EFHB: variants seen among roughly 807,000 people sequenced by gnomAD.
The protein encoded by EFHB is EF-hand domain family member B.
A neutral mutation model predicts 87.2 loss-of-function variants in EFHB; 91 were observed. That is an observed-to-expected ratio of 1.04 (90% CI 0.88 to 1.24). The LOEUF is 1.24. Among genes scored for constraint, EFHB ranks in the 50% most tolerant of loss-of-function variants. The pLI is 0.00. For synonymous variants in EFHB, 325 were observed against 333.6 expected, an observed-to-expected ratio of 0.97 and a Z score of 0.28; for missense variants, 1,084 against 998.8, an observed-to-expected ratio of 1.09 and a Z score of -1.15.
At position 19,893,609 on chromosome 3, in the gene EFHB, C is replaced by T. The variant is rs376840528; in HGVS notation, c.1725+3078G>A. On this transcript the variant is annotated intron_variant, in intron 9 of 12. Transcript: ENST00000295824. ...CAGTTCTCTCAAACTGTTGGTGACA[C>T]CTTAGTTTTAACTGACTGCCAGGCA... Among the ~76,000 whole-genome samples the T allele has an allele frequency of 1.2e-3, 185 of 152,292 alleles. 7 individuals carry two copies. The South Asian group carries it at 0.038, about 31-fold the overall frequency.
chr3:19,932,337 T>A (rs1214322740), intron 1 of EFHB, among the ~76,000 whole-genome samples: 1 of 152,228 alleles, frequency 6.6e-6, no homozygotes, highest in Non-Finnish European at 1.5e-5. Flanking sequence ...ATTTTTACCC[T>A]TATTAAGATC....
Position 19,934,045 on chromosome 3 carries a change from T to C in EFHB, c.-27A>G. ...GACGATTTCTCCCCATTCTCATTTC[T>C]CCAAGAGCGCTCATCTCTAAGGGGA... On this transcript the variant is annotated 5_prime_UTR_variant, in exon 1 of 13. Transcript: ENST00000295824. The C allele has an allele frequency of 6.4e-7, 1 of 1,561,798 alleles. No individual in the cohort carries two copies. The highest frequency in any genetic ancestry group is 8.7e-7 in the Non-Finnish European group (1 of 1,153,394).
chr3:19,914,857 A>C (rs1695172322), intron 5 of EFHB, among the ~76,000 whole-genome samples: 1 of 152,112 alleles, frequency 6.6e-6, no homozygotes, highest in African/African-American at 2.4e-5. Flanking sequence ...TCGGAGGCCA[A>C]GGTGGGAGGA....
chr3:19,881,192 G>T (rs1004192018), intron 12 of EFHB, among the ~76,000 whole-genome samples: 8 of 152,196 alleles, frequency 5.3e-5, no homozygotes, highest in Non-Finnish European at 1.0e-4. Flanking sequence ...CCCACTGGTA[G>T]TTTAAAAAGG....
upstream of EFHB, chr3:19,936,225 C>T (rs1051051225): frequency 1.4e-5 from 12 of 841,006 alleles, no homozygotes; most frequent in African/African-American, 2.0e-4. Flanking sequence ...TGGCTCACAT[C>T]TGTAGTCTCA....
At chr3:19,908,648 GAAAGAA>G (rs1412358396) in intron 5 of EFHB, among the ~76,000 whole-genome samples, 3 of 148,350 alleles carry the variant, frequency 2.0e-5, no homozygotes, top group Admixed American at 6.7e-5. Context: ...AAGAAAGAAA[GAAAGAA>G]AAAGAAAGTT....
intron 5 of EFHB, among the ~76,000 whole-genome samples, chr3:19,909,836 C>T (rs1694995724): frequency 6.6e-6 from 1 of 152,028 alleles, no homozygotes; most frequent in South Asian, 2.1e-4. Context: ...ACATCCGGGG[C>T]CAAAAGGATG....
chr3:19,939,367 CTCCTTT>C (rs1696096184), intron 1 of EFHB, among the ~76,000 whole-genome samples: 7 of 102,486 alleles, frequency 6.8e-5, no homozygotes, highest in Admixed American at 6.5e-4. Context: ...TGGGTTGGGT[CTCCTTT>C]TTTTTTTTTT....
chr3:19,889,818 G>A (rs1279453230), intron 9 of EFHB, among the ~76,000 whole-genome samples: 3 of 152,106 alleles, frequency 2.0e-5, no homozygotes, highest in Non-Finnish European at 2.9e-5. Context: ...GAGAAATCCC[G>A]TCTCTACTGA....
At chr3:19,928,206 C>A (rs867234956) in intron 1 of EFHB, among the ~76,000 whole-genome samples, 3 of 151,704 alleles carry the variant, frequency 2.0e-5, no homozygotes, top group South Asian at 2.1e-4. Context: ...AGGGCTTAGG[C>A]CAAAAATATG....
upstream of EFHB, among the ~76,000 whole-genome samples, chr3:19,935,585 G>A (rs926631429): frequency 3.3e-5 from 5 of 151,912 alleles, no homozygotes; most frequent in African/African-American, 9.7e-5. Context: ...GGTGTCCAGC[G>A]CCTGTAATCC....
chr3:19,890,371 G>A (rs1200029471), intron 9 of EFHB, among the ~76,000 whole-genome samples: 1 of 152,112 alleles, frequency 6.6e-6, no homozygotes, highest in African/African-American at 2.4e-5. Context: ...CTGTTCAGTG[G>A]GGTGAGATTC....
chr3:19,928,315 T>G (rs895066146), intron 1 of EFHB, among the ~76,000 whole-genome samples: 4 of 152,254 alleles, frequency 2.6e-5, no homozygotes, highest in Admixed American at 6.5e-5. Flanking sequence ...TTAGTCCTGA[T>G]TTTTAAACTT....
intron 1 of EFHB, among the ~76,000 whole-genome samples, chr3:19,922,294 G>A (rs536190369): frequency 1.3e-5 from 2 of 152,310 alleles, no homozygotes; most frequent in South Asian, 4.1e-4. Flanking sequence ...TTCAACACTT[G>A]GAAGAAGGTG....
chr3:19,892,507 T>G (rs1694336676), intron 9 of EFHB, among the ~76,000 whole-genome samples: 3 of 152,170 alleles, frequency 2.0e-5, no homozygotes, highest in Non-Finnish European at 4.4e-5. Flanking sequence ...CTGGACATGG[T>G]GCAACAGCAC....
intron 5 of EFHB, among the ~76,000 whole-genome samples, chr3:19,908,758 T>G (rs189305441): frequency 2.6e-5 from 4 of 152,124 alleles, no homozygotes. Flanking sequence ...TTAGTAATGA[T>G]TAAAATTAAG....
rs963714661 is a variant in EFHB, at chr3:19,926,889, A to G, written c.790-6322T>C. Among the ~76,000 whole-genome samples, 3 of 136,284 alleles carry G rather than the reference A, an allele frequency of 2.2e-5. 1 individual carries two copies. The South Asian group carries it at 7.0e-4, about 32-fold the overall frequency. 89.4% of individuals were successfully genotyped at this position (136,284 alleles called of 152,430 possible). A position where few individuals can be genotyped will look rare whatever the true frequency, so the allele number is the denominator to read the frequency against. On this transcript the variant is annotated intron_variant, in intron 1 of 12. Coordinates refer to ENST00000295824, the MANE Select transcript of EFHB (RefSeq NM_144715.4). The stretch of plus-strand genomic sequence containing the variant: ...TGGTCAGGCTGGTCTCGAACTCCCA[A>G]CCTCAGGTGATCCACCCGCCTCGGC...
intron 1 of EFHB, among the ~76,000 whole-genome samples, chr3:19,922,422 C>G (rs964212896): frequency 1.3e-5 from 2 of 152,216 alleles, no homozygotes; most frequent in African/African-American, 2.4e-5. Context: ...CTCTCAACCC[C>G]TCTTGCCAAA....
At position 19,898,775 on chromosome 3, in the gene EFHB, T is replaced by C; in HGVS notation, c.1570+3A>G. The C allele has an allele frequency of 6.2e-7, 1 of 1,613,324 alleles. No homozygotes were observed. On this transcript the variant is annotated splice_donor_region_variant and intron_variant, in intron 8 of 12. Transcript: ENST00000295824. The stretch of plus-strand genomic sequence containing the variant: ...TTTTTACGGAGAAAGTGTGTATATT[T>C]ACCATATTCCTCAGGACGGAGACAA...
Sources: allele counts gnomAD v4.1 joint callset (sites outside exome capture counted in the v4.1 genomes callset), GRCh38; gene constraint gnomAD v4.1.1; transcripts MANE v1.5; gene names NCBI Gene and HGNC (gene_info 2026-07-23, HGNC 2026-07-21).